The following PITPNC1 variants were observed in gnomAD, a reference collection of about 807,000 sequenced individuals.
PITPNC1 encodes phosphatidylinositol transfer protein cytoplasmic 1, also known as cytoplasmic phosphatidylinositol transfer protein 1.
In PITPNC1, 18 loss-of-function variants were observed where a neutral mutation model predicts 44.7. The ratio of observed to expected loss-of-function variants is 0.40; its 90% CI spans 0.28 to 0.60. The LOEUF (loss-of-function observed/expected upper bound fraction) is 0.60, where lower values mean the gene tolerates loss of function less well. Among genes scored for constraint, PITPNC1 ranks in the 20% least tolerant of loss-of-function variants. The pLI, the probability that PITPNC1 is intolerant of heterozygous loss-of-function variation, is 0.39. For missense variants in PITPNC1, 290 were observed against 418.4 expected (o/e 0.69, Z 2.68); for synonymous variants, 141 against 149.6 (o/e 0.94, Z 0.42).
At chr17:67,603,796 G>C (rs1455024077) in intron 5 of PITPNC1, among the ~76,000 whole-genome samples, 1 of 152,086 alleles carries the variant, frequency 6.6e-6, no homozygotes, top group Non-Finnish European at 1.5e-5. Context: ...TGGGCTTGGT[G>C]GTGCATGCTT....
chr17:67,625,378 G>T (rs544715508), intron 5 of PITPNC1, among the ~76,000 whole-genome samples: 3 of 152,068 alleles, frequency 2.0e-5, no homozygotes, highest in East Asian at 3.9e-4. Context: ...AAAGGCATTC[G>T]CATCCTAACG....
chr17:67,534,246 C>G (rs1472932140), intron 2 of PITPNC1, among the ~76,000 whole-genome samples: 1 of 152,148 alleles, frequency 6.6e-6, no homozygotes, highest in Non-Finnish European at 1.5e-5. Context: ...TAGGGCTTGT[C>G]TGATCTTCTC....
chr17:67,567,224 G>A (rs776977597), intron 4 of PITPNC1, among the ~76,000 whole-genome samples: 10 of 152,044 alleles, frequency 6.6e-5, no homozygotes, highest in East Asian at 1.9e-4. Flanking sequence ...GGTGGCTCAC[G>A]CCTGTAATCC....
At chr17:67,435,070 C>G (rs532490663) in intron 1 of PITPNC1, among the ~76,000 whole-genome samples, 1 of 145,154 alleles carries the variant, frequency 6.9e-6, no homozygotes, top group African/African-American at 2.6e-5. Context: ...GATCACGCCA[C>G]TGCACTCCAG....
In PITPNC1 at chr17:67,679,184, C is replaced by G. The variant is rs1317482108; in HGVS notation, c.682+3642C>G. Among the ~76,000 whole-genome samples, 3 of 152,246 alleles carry G rather than the reference C, an allele frequency of 2.0e-5. No individual in the cohort carries two copies. The East Asian group carries it at 5.8e-4, about 29-fold the overall frequency. On this transcript the variant is annotated intron_variant, in intron 8 of 8. Coordinates refer to ENST00000581322, the MANE Select transcript of PITPNC1 (RefSeq NM_012417.4). ...AATTGATTCAATCCAAATAGGTTAA[C>G]TAGAGAATCATAGCTGTCTGCAGGG...
intron 5 of PITPNC1, among the ~76,000 whole-genome samples, chr17:67,606,556 A>T (rs967494215): frequency 8.5e-5 from 13 of 152,344 alleles, no homozygotes; most frequent in African/African-American, 2.2e-4. Flanking sequence ...GACGAGGCGT[A>T]AAGTGAGGAC....
intron 1 of PITPNC1, among the ~76,000 whole-genome samples, chr17:67,439,008 A>G (rs1187039779): frequency 6.6e-6 from 1 of 152,328 alleles, no homozygotes; most frequent in African/African-American, 2.4e-5. Flanking sequence ...TACAGGTCCA[A>G]ATGGCAGTAG....
intron 1 of PITPNC1, among the ~76,000 whole-genome samples, chr17:67,420,554 C>A (rs1292432023): frequency 6.6e-5 from 10 of 151,954 alleles, no homozygotes; most frequent in Non-Finnish European, 4.4e-5. Context: ...CACTCACCCT[C>A]CTAAGCAGCT....
At chr17:67,403,645 T>A (rs2038356043) in intron 1 of PITPNC1, among the ~76,000 whole-genome samples, 1 of 152,186 alleles carries the variant, frequency 6.6e-6, no homozygotes, top group African/African-American at 2.4e-5. Flanking sequence ...TGGATCCTAT[T>A]ATCTTCATTT....
At chr17:67,413,760 C>T (rs775948135) in intron 1 of PITPNC1, among the ~76,000 whole-genome samples, 7 of 152,140 alleles carry the variant, frequency 4.6e-5, no homozygotes, top group South Asian at 2.1e-4. Flanking sequence ...GATGTTGCTT[C>T]GCAGGCATGC....
intron 2 of PITPNC1, among the ~76,000 whole-genome samples, chr17:67,537,499 C>A (rs1219878574): frequency 6.6e-6 from 1 of 151,972 alleles, no homozygotes; most frequent in Non-Finnish European, 1.5e-5. Context: ...ATAAGATATA[C>A]AAAATCATTT....
chr17:67,509,939 A>G (rs2040160253), intron 1 of PITPNC1, among the ~76,000 whole-genome samples: 1 of 152,254 alleles, frequency 6.6e-6, no homozygotes, highest in Admixed American at 6.5e-5. Flanking sequence ...AGAAACGTCT[A>G]GAACACAGCC....
chr17:67,525,973 A>T (rs969861792), intron 1 of PITPNC1, among the ~76,000 whole-genome samples: 5 of 152,152 alleles, frequency 3.3e-5, no homozygotes, highest in Admixed American at 6.5e-5. Flanking sequence ...GCCCATTTTG[A>T]TGGTAAAGGC....
intron 5 of PITPNC1, among the ~76,000 whole-genome samples, chr17:67,615,416 G>A (rs150807028): frequency 9.8e-4 from 149 of 152,276 alleles, no homozygotes; most frequent in Non-Finnish European, 2.0e-3. Context: ...AACAAGAGGA[G>A]GAAACTCAGA....
At chr17:67,385,187 C>A (rs1222031267) in intron 1 of PITPNC1, among the ~76,000 whole-genome samples, 1 of 152,044 alleles carries the variant, frequency 6.6e-6, no homozygotes, top group African/African-American at 2.4e-5. Flanking sequence ...CACCAATCAG[C>A]GCTCTGTAGC....
At chr17:67,457,376 GTTTT>G (rs777781553) in intron 1 of PITPNC1, 1 of 146,478 alleles carries the variant, frequency 6.8e-6, no homozygotes, top group South Asian at 2.1e-4. Context: ...GCTGTTTTTT[GTTTT>G]TTGTTTTTTG....
rs546782221 is a variant in PITPNC1 at position 67,662,477 on chromosome 17, C to T, written c.463-7031C>T. On this transcript the variant is annotated intron_variant, in intron 6 of 8. Coordinates refer to ENST00000581322, the MANE Select transcript of PITPNC1 (RefSeq NM_012417.4). ...AAGAAGAAAGTGGTGTATAATTCAACGTTTTTTTCATATACTTATCTAGTT... is the reference window on the plus strand; with the variant it reads ...AAGAAGAAAGTGGTGTATAATTCAATGTTTTTTTCATATACTTATCTAGTT... Among the ~76,000 whole-genome samples the T allele has an allele frequency of 1.1e-4, 16 of 152,014 alleles. No homozygotes were observed. The South Asian group carries it at 1.5e-3, about 14-fold the overall frequency.
chr17:67,406,357 G>A (rs774802685), intron 1 of PITPNC1, among the ~76,000 whole-genome samples: 10 of 152,088 alleles, frequency 6.6e-5, no homozygotes, highest in Non-Finnish European at 1.0e-4. Flanking sequence ...ATCCATTGGC[G>A]GTCACTCCCC....
At chr17:67,548,505 C>T (rs185754400) in intron 2 of PITPNC1, among the ~76,000 whole-genome samples, 3 of 152,226 alleles carry the variant, frequency 2.0e-5, no homozygotes, top group Admixed American at 1.3e-4. Flanking sequence ...GCTGGAGAAT[C>T]GCTTGGACCT....
Sources: allele counts gnomAD v4.1 joint callset (sites outside exome capture counted in the v4.1 genomes callset), GRCh38; gene constraint gnomAD v4.1.1; transcripts MANE v1.5; gene names NCBI Gene and HGNC (gene_info 2026-07-23, HGNC 2026-07-21).